The following AP3S2 variants were observed in gnomAD, a reference collection of about 807,000 sequenced individuals.
AP3S2 encodes AP-3 complex subunit sigma-2.
AP3S2 carries 22 observed loss-of-function variants against 23.4 expected under a neutral mutation model. The ratio of observed to expected loss-of-function variants is 0.94; its 90% CI spans 0.67 to 1.34. AP3S2 has a LOEUF of 1.34. Ranked by LOEUF, AP3S2 falls within the 40% of genes most tolerant of loss-of-function variation. The pLI is 0.00. For missense variants in AP3S2, 241 were observed against 236.9 expected (o/e 1.02, Z -0.11); for synonymous variants, 86 against 87.1 (o/e 0.99, Z 0.07).
chr15:89,843,566 T>A (rs1016410661), intron 4 of AP3S2, among the ~76,000 whole-genome samples: 10 of 151,254 alleles, frequency 6.6e-5, no homozygotes, highest in African/African-American at 2.2e-4. Context: ...ACCCGGGAGG[T>A]GGAGGCTGCA....
At chr15:89,892,229 G>A (rs552475675) in intron 1 of AP3S2, among the ~76,000 whole-genome samples, 8 of 152,278 alleles carry the variant, frequency 5.3e-5, no homozygotes, top group Non-Finnish European at 8.8e-5. Flanking sequence ...AAACTCTCTG[G>A]GGCTGGGAGA....
chr15:89,836,337 C>T (rs560991059), intron 5 of AP3S2, among the ~76,000 whole-genome samples: 2 of 152,216 alleles, frequency 1.3e-5, no homozygotes, highest in South Asian at 4.1e-4. Context: ...TTTCTGGTTA[C>T]AAAACAAAAC....
Position 89,830,914 on chromosome 15 carries a change from A to G in AP3S2, c.*4601T>C, listed in dbSNP as rs1354122063. The G allele has an allele frequency of 6.7e-6, 1 of 148,492 alleles. No individual in the cohort carries two copies. Among genetic ancestry groups the G allele is most frequent in the Non-Finnish European group, 1.5e-5 (1 of 67,476 alleles). 9.2% of individuals were successfully genotyped at this position (148,492 alleles called of 1,614,324 possible). ...GCCAGGGTCAAACGGAACACAACCC[A>G]CTCTCAGGAAGACATCCCTAACACA... On this transcript the variant is annotated 3_prime_UTR_variant, in exon 6 of 6. Transcript: ENST00000336418.
intron 3 of AP3S2, chr15:89,886,609 A>T (rs1364265794): frequency 3.3e-5 from 5 of 152,194 alleles, no homozygotes; most frequent in African/African-American, 1.2e-4. Context: ...CAATTTTTAA[A>T]ATACATTATC....
chr15:89,872,811 C>T (rs1479358489), intron 3 of AP3S2, among the ~76,000 whole-genome samples: 1 of 152,206 alleles, frequency 6.6e-6, no homozygotes, highest in Non-Finnish European at 1.5e-5. Context: ...CCAGTGTTTG[C>T]ACTTTTTCCT....
chr15:89,880,564 T>C (rs1430749464), intron 3 of AP3S2, among the ~76,000 whole-genome samples: 2 of 151,852 alleles, frequency 1.3e-5, no homozygotes, highest in Admixed American at 6.6e-5. Context: ...GTCCCACCTA[T>C]TCAGGAGGCT....
chr15:89,875,842 G>A (rs1238307345), intron 3 of AP3S2, among the ~76,000 whole-genome samples: 3 of 152,072 alleles, frequency 2.0e-5, no homozygotes, highest in Non-Finnish European at 4.4e-5. Context: ...CCAGCTACTC[G>A]GGAGGCTGTG....
At position 89,893,919 on chromosome 15, in the gene AP3S2, GGTT is replaced by G. The variant is rs1896879373; in HGVS notation, c.28_30del (p.Asn10del). 1 of 1,551,574 alleles carries G rather than the reference GGTT, an allele frequency of 6.4e-7. No homozygotes were observed. The highest frequency in any genetic ancestry group is 8.7e-7 in the Non-Finnish European group (1 of 1,146,998). On this transcript the variant is annotated inframe_deletion, in exon 1 of 6. Transcript: ENST00000336418. ...AAGCGGACTAGCCGTGGCTTCCCAT[GGTT>G]GTTGAAAACCAGAATCGCCTGAATC...
chr15:89,873,252 G>T (rs982293060), intron 3 of AP3S2, among the ~76,000 whole-genome samples: 4 of 149,970 alleles, frequency 2.7e-5, no homozygotes, highest in Non-Finnish European at 5.9e-5. Flanking sequence ...TTTTGGAGCT[G>T]CTTATATTCA....
intron 4 of AP3S2, among the ~76,000 whole-genome samples, chr15:89,858,493 A>AAGAAAGAAAGAG (rs1895907201): frequency 6.6e-5 from 4 of 60,310 alleles, no homozygotes; most frequent in East Asian, 6.7e-4. Context: ...GAAAGAAAGA[A>AAGAAAGAAAGAG]AGAGAGAGAG....
chr15:89,888,482 T>C, intron 3 of AP3S2, 39 bp downstream of exon 3: 1 of 1,599,392 alleles, frequency 6.3e-7, no homozygotes, highest in Admixed American at 1.7e-5. Flanking sequence ...CCGTGGAAAC[T>C]CTCTAAAGCT....
chr15:89,834,498 T>C lies in AP3S2; in HGVS notation c.*1017A>G, dbSNP rs1895144692. The C allele has an allele frequency of 6.6e-6, 1 of 152,216 alleles. No individual in the cohort carries two copies. The highest frequency in any genetic ancestry group is 2.4e-5 in the African/African-American group (1 of 41,440). The allele number at this position is 152,216 out of a possible 1,614,324, so 9.4% of individuals were successfully genotyped here. ...TGTTGGGCATGAGCCAGGTTTATGA[T>C]TTGGATTGTGTCCTGCACATAACAC... On this transcript the variant is annotated 3_prime_UTR_variant, in exon 6 of 6. Coordinates refer to ENST00000336418, the MANE Select transcript of AP3S2 (RefSeq NM_005829.5).
At chr15:89,859,304 C>CTTCCTTCCTTTCCTTCCTTCCTTT (rs1895946941) in intron 4 of AP3S2, among the ~76,000 whole-genome samples, 2 of 143,532 alleles carry the variant, frequency 1.4e-5, no homozygotes, top group African/African-American at 5.2e-5. Flanking sequence ...CTTTTTCTTC[C>CTTCCTTCCTTTCCTTCCTTCCTTT]TTCCTTCCTT....
intron 4 of AP3S2, among the ~76,000 whole-genome samples, chr15:89,868,968 G>A (rs1452489449): frequency 6.3e-4 from 90 of 142,448 alleles, no homozygotes; most frequent in African/African-American, 2.2e-3. Context: ...CCCCCTGCCC[G>A]GCCAGCCGCC....
At chr15:89,868,365 C>T (rs1242347865) in intron 4 of AP3S2, among the ~76,000 whole-genome samples, 1 of 88,240 alleles carries the variant, frequency 1.1e-5, no homozygotes, top group African/African-American at 4.3e-5. Flanking sequence ...CCCGCCCGGC[C>T]AGCCGCCCTG....
chr15:89,890,582 G>A (rs940532666), intron 1 of AP3S2, among the ~76,000 whole-genome samples: 4 of 152,218 alleles, frequency 2.6e-5, no homozygotes, highest in South Asian at 4.1e-4. Flanking sequence ...ATACAGATTC[G>A]GATTTAGCAG....
At chr15:89,877,104 G>A (rs921884691) in intron 3 of AP3S2, 22 of 358,512 alleles carry the variant, frequency 6.1e-5, no homozygotes, top group South Asian at 2.2e-5. Context: ...AAATTAGTGG[G>A]TATTAAGAGT....
chr15:89,852,265 T>C (rs904828426), intron 4 of AP3S2: 3 of 152,256 alleles, frequency 2.0e-5, no homozygotes, highest in Non-Finnish European at 4.4e-5. Context: ...AGACACTGTA[T>C]ATAAAGCACT....
At chr15:89,873,273 CTCTG>C (rs1024982185) in intron 3 of AP3S2, among the ~76,000 whole-genome samples, 15 of 149,950 alleles carry the variant, frequency 1.0e-4, no homozygotes, top group Non-Finnish European at 1.8e-4. Context: ...AGTATTGGAC[CTCTG>C]TCTGTCTTCT....
Sources: allele counts gnomAD v4.1 joint callset (sites outside exome capture counted in the v4.1 genomes callset), GRCh38; gene constraint gnomAD v4.1.1; transcripts MANE v1.5; gene names NCBI Gene and HGNC (gene_info 2026-07-23, HGNC 2026-07-21).